Variants in MID1 observed in about 807,000 individuals in gnomAD.
MID1 encodes midline 1.
A neutral mutation model predicts 40.4 loss-of-function variants in MID1; 7 were observed. The ratio of observed to expected loss-of-function variants is 0.17; its 90% CI spans 0.10 to 0.33. MID1 has a LOEUF of 0.33. Among genes scored for constraint, MID1 ranks in the 10% least tolerant of loss-of-function variants. MID1 has a pLI of 1.00. For synonymous variants in MID1, 229 were observed against 221.2 expected (o/e 1.04, Z -0.31); for missense variants, 367 against 558.5 (o/e 0.66, Z 3.46).
chrX:10,611,362 T>C (rs1452962324), intron 1 of MID1, among the ~76,000 whole-genome samples: 2 of 112,259 alleles, frequency 1.8e-5, no homozygotes, highest in Non-Finnish European at 3.8e-5. Context: ...CGGAAATAAT[T>C]CATTTTGAAA....
chrX:10,579,731 A>G (rs902084705), intron 1 of MID1, among the ~76,000 whole-genome samples: 4 of 111,106 alleles, frequency 3.6e-5, no homozygotes, highest in African/African-American at 1.3e-4. Flanking sequence ...GTTAACTATT[A>G]CGAATAACAT....
intron 2 of MID1, among the ~76,000 whole-genome samples, chrX:10,554,816 T>C (rs1934057239): frequency 9.0e-6 from 1 of 111,457 alleles, no homozygotes; most frequent in Admixed American, 9.5e-5. Context: ...AGCCTGCCCA[T>C]TTCACTCTTC....
At chrX:10,692,673 G>A (rs1334325693) in intron 1 of MID1, among the ~76,000 whole-genome samples, 1 of 111,619 alleles carries the variant, frequency 9.0e-6, no homozygotes, top group African/African-American at 3.3e-5. Context: ...GTAAGTCTTT[G>A]AAATCTGGTG....
At position 10,481,493 on chromosome X, in the gene MID1, G is replaced by C. The variant is rs1320931019; in HGVS notation, c.1013+987C>G. Among the ~76,000 whole-genome samples, 3 of 112,175 alleles carry C rather than the reference G, an allele frequency of 2.7e-5. No homozygotes were observed. The East Asian group carries it at 8.4e-4, about 31-fold the overall frequency. On this transcript the variant is annotated intron_variant, in intron 5 of 9. Transcript: ENST00000317552. Reference sequence around the variant, plus strand: ...CTCGCTCTGTTGCCCAGGCTGAAGTGCAGTGGCACGATCTCGGCTCACTGC... The same window carrying C: ...CTCGCTCTGTTGCCCAGGCTGAAGTCCAGTGGCACGATCTCGGCTCACTGC...
chrX:10,602,941 T>C, intron 1 of MID1, among the ~76,000 whole-genome samples: 1 of 112,724 alleles, frequency 8.9e-6, no homozygotes. Flanking sequence ...TCCTTTTCAT[T>C]AGACACTGGC....
intron 1 of MID1, among the ~76,000 whole-genome samples, chrX:10,761,835 G>A (rs1173262939): frequency 2.7e-5 from 3 of 112,047 alleles, no homozygotes; most frequent in Non-Finnish European, 3.8e-5. Flanking sequence ...GCATTAAGTC[G>A]CCATCAGGTG....
At chrX:10,529,418 T>A (rs896340820) in intron 2 of MID1, among the ~76,000 whole-genome samples, 1 of 112,365 alleles carries the variant, frequency 8.9e-6, no homozygotes, top group Non-Finnish European at 1.9e-5. Context: ...AGAATTCCCA[T>A]CTGGACTGCG....
chrX:10,807,853 G>C (rs899488213), intron 1 of MID1, among the ~76,000 whole-genome samples: 1 of 111,870 alleles, frequency 8.9e-6, no homozygotes, highest in Non-Finnish European at 1.9e-5. Context: ...AGGGATTCAG[G>C]TGGAACATTT....
chrX:10,566,542 T>C (rs867470733), intron 2 of MID1, among the ~76,000 whole-genome samples: 45 of 90,210 alleles, frequency 5.0e-4, no homozygotes, highest in African/African-American at 2.1e-3. Context: ...CCTCTCTCTC[T>C]CTCTCTCTCT....
chrX:10,507,491 C>T (rs1334737863), intron 3 of MID1, among the ~76,000 whole-genome samples: 1 of 112,436 alleles, frequency 8.9e-6, no homozygotes, highest in Non-Finnish European at 1.9e-5. Context: ...TCGTGAAAAG[C>T]AGAAGAAAAA....
At chrX:10,728,076 T>C in intron 1 of MID1, among the ~76,000 whole-genome samples, 1 of 112,357 alleles carries the variant, frequency 8.9e-6, no homozygotes, top group Middle Eastern at 4.6e-3. Context: ...AACTGGTTTC[T>C]GTGTAAGTGA....
intron 1 of MID1, among the ~76,000 whole-genome samples, chrX:10,580,536 T>G (rs1934985216): frequency 9.0e-6 from 1 of 111,376 alleles, no homozygotes; most frequent in Non-Finnish European, 1.9e-5. Context: ...TATACTTTTC[T>G]TCTGATGCAA....
intron 3 of MID1, 126 bp downstream of exon 3, chrX:10,522,966 G>A: frequency 1.8e-6 from 1 of 558,014 alleles, no homozygotes. Flanking sequence ...TTTTATTTTG[G>A]CTTTTGCAAA....
At chrX:10,462,257 A>ATAAT (rs375262574) in intron 7 of MID1, among the ~76,000 whole-genome samples, 38 of 112,291 alleles carry the variant, frequency 3.4e-4, no homozygotes, top group African/African-American at 1.2e-3. Flanking sequence ...TGCCAAGATA[A>ATAAT]TAATTGAGAA....
upstream of MID1, among the ~76,000 whole-genome samples, chrX:10,624,432 G>A (rs1003081826): frequency 5.4e-5 from 6 of 111,483 alleles, no homozygotes; most frequent in Admixed American, 9.5e-5. Flanking sequence ...CATTTTTAAT[G>A]TTAATTAAAC....
At chrX:10,758,493 T>C (rs1345559724) in intron 1 of MID1, among the ~76,000 whole-genome samples, 3 of 82,260 alleles carry the variant, frequency 3.6e-5, no homozygotes, top group African/African-American at 1.5e-4. Flanking sequence ...CTTTTTTTTT[T>C]TTTTTTTTTT....
At chrX:10,681,733 C>T (rs938050587) in intron 1 of MID1, among the ~76,000 whole-genome samples, 4 of 110,682 alleles carry the variant, frequency 3.6e-5, no homozygotes, top group Non-Finnish European at 3.8e-5. Flanking sequence ...TATGCGGGGG[C>T]GAATGGAAAG....
intron 5 of MID1, among the ~76,000 whole-genome samples, chrX:10,481,470 C>T (rs993308130): frequency 2.7e-5 from 3 of 112,017 alleles, no homozygotes; most frequent in Non-Finnish European, 5.6e-5. Context: ...GAAAGAGTCT[C>T]GCTCTGTTGC....
chrX:10,591,041 T>TA (rs895146781), intron 1 of MID1, among the ~76,000 whole-genome samples: 12 of 109,621 alleles, frequency 1.1e-4, no homozygotes, highest in East Asian at 8.5e-4. Context: ...TTTTAAACAT[T>TA]AAAAAAAAAG....
Sources: allele counts gnomAD v4.1 joint callset (sites outside exome capture counted in the v4.1 genomes callset), GRCh38; gene constraint gnomAD v4.1.1; transcripts MANE v1.5; gene names NCBI Gene and HGNC (gene_info 2026-07-23, HGNC 2026-07-21).